Variants in PTPN13 observed in about 807,000 individuals in gnomAD.
PTPN13 encodes protein tyrosine phosphatase non-receptor type 13.
Under a neutral mutation model 284.0 loss-of-function variants are expected in PTPN13, and 191 were observed. The ratio of observed to expected loss-of-function variants is 0.67; its 90% confidence interval spans 0.60 to 0.76. The LOEUF (loss-of-function observed/expected upper bound fraction) is 0.76, where lower values mean the gene tolerates loss of function less well. PTPN13 is among the 30% of genes least tolerant of loss of function. The pLI is 0.00. For synonymous variants in PTPN13, 986 were observed against 1,022.3 expected (o/e 0.96, Z 0.68); for missense variants, 2,797 against 2,939.9 (o/e 0.95, Z 1.12).
At chr4:86,749,993 T>C (rs1737205090) in intron 17 of PTPN13, among the ~76,000 whole-genome samples, 1 of 152,212 alleles carries the variant, frequency 6.6e-6, no homozygotes. Context: ...CTTTAAAAAC[T>C]GTCTGGGCAA....
At chr4:86,674,460 T>C (rs1165412455) in intron 3 of PTPN13, among the ~76,000 whole-genome samples, 3 of 152,182 alleles carry the variant, frequency 2.0e-5, no homozygotes, top group African/African-American at 4.8e-5. Context: ...TTTTCAGAGA[T>C]TGAATGTGTA....
At chr4:86,813,440 GGTTTGTTTGTTT>G (rs892515011) in intron 47 of PTPN13, among the ~76,000 whole-genome samples, 1 of 152,018 alleles carries the variant, frequency 6.6e-6, no homozygotes, top group African/African-American at 2.4e-5. Flanking sequence ...CTTATTTTTT[GGTTTGTTTGTTT>G]GTTTGTTTTT....
At chr4:86,616,949 G>A (rs956902753) in intron 1 of PTPN13, among the ~76,000 whole-genome samples, 39 of 152,270 alleles carry the variant, frequency 2.6e-4, no homozygotes, top group African/African-American at 9.1e-4. Flanking sequence ...GACTGAAGGG[G>A]AGAGCGTGAA....
At chr4:86,762,576 A>C in intron 23 of PTPN13, 151 bp from the exon 24 acceptor site, 3 of 626,304 alleles carry the variant, frequency 4.8e-6, no homozygotes, top group Non-Finnish European at 5.5e-6. Context: ...CAAAGGAGAA[A>C]GCAAAGAAAG....
At chr4:86,736,959 A>G (rs978081408) in intron 15 of PTPN13, among the ~76,000 whole-genome samples, 1 of 152,244 alleles carries the variant, frequency 6.6e-6, no homozygotes, top group Non-Finnish European at 1.5e-5. Flanking sequence ...TTCTAAGGCT[A>G]CACTTTTGCT....
At chr4:86,680,418 T>C (rs1422771594) in intron 3 of PTPN13, among the ~76,000 whole-genome samples, 1 of 151,936 alleles carries the variant, frequency 6.6e-6, no homozygotes, top group Non-Finnish European at 1.5e-5. Context: ...TCTATCTCTG[T>C]CTCCATCTCT....
At chr4:86,636,023 T>TA (rs1280125196) in intron 2 of PTPN13, among the ~76,000 whole-genome samples, 3 of 151,870 alleles carry the variant, frequency 2.0e-5, no homozygotes, top group Non-Finnish European at 4.4e-5. Flanking sequence ...TAAACAAATG[T>TA]AAAAAATGCA....
At position 86,701,631 on chromosome 4, in the gene PTPN13, C is replaced by T. The variant is rs1731174654; in HGVS notation, c.1025C>T (p.Ala342Val). ...TCAACTACTCCTAGAAAAAAGGAGGCAAGATACTCAGATGGAAGTATAGCC... is the reference window on the plus strand; with the variant it reads ...TCAACTACTCCTAGAAAAAAGGAGGTAAGATACTCAGATGGAAGTATAGCC... The part of the protein sequence containing the change: ...RTSTTPRKKE[A>V]RYSDGSIALD... Residue 342 changes from alanine (A) to valine (V), a missense_variant, in exon 7 of 48, where the codon GCA becomes GTA. Physicochemically the swap from Ala to Val is moderately conservative, Grantham distance 64 (BLOSUM62 0). Coordinates refer to ENST00000411767, the MANE Select transcript of PTPN13 (RefSeq NM_080683.3). The T allele has an allele frequency of 1.2e-6, 2 of 1,613,770 alleles. No individual in the cohort carries two copies. Among genetic ancestry groups the T allele is most frequent in the Non-Finnish European group, 1.7e-6 (2 of 1,179,870 alleles).
At chr4:86,663,721 C>T (rs1047826261) in intron 2 of PTPN13, among the ~76,000 whole-genome samples, 6 of 152,046 alleles carry the variant, frequency 3.9e-5, no homozygotes, top group African/African-American at 1.4e-4. Context: ...TAGAGAAGAG[C>T]TATTTAGGTC....
chr4:86,734,240 A>C, intron 12 of PTPN13, 63 bp from the exon 13 acceptor site: 1 of 1,258,682 alleles, frequency 7.9e-7, no homozygotes. Context: ...AAAGTGAAGA[A>C]ATCGGAAGAA....
intron 31 of PTPN13, among the ~76,000 whole-genome samples, chr4:86,772,122 T>C (rs1011961383): frequency 6.6e-6 from 1 of 152,366 alleles, no homozygotes; most frequent in Middle Eastern, 3.4e-3. Context: ...TTATTCTTCT[T>C]TCTTCTTTTC....
intron 2 of PTPN13, among the ~76,000 whole-genome samples, chr4:86,667,492 G>A (rs1727215407): frequency 6.6e-6 from 1 of 152,056 alleles, no homozygotes; most frequent in Non-Finnish European, 1.5e-5. Flanking sequence ...ACAATTTCCA[G>A]TGAACCTTAA....
intron 24 of PTPN13, among the ~76,000 whole-genome samples, chr4:86,764,373 T>A (rs563524580): frequency 2.0e-5 from 3 of 152,242 alleles, no homozygotes; most frequent in Admixed American, 2.0e-4. Flanking sequence ...ATCTCTAAGA[T>A]CTCTTCCAAC....
chr4:86,653,868 C>T (rs1449117912), intron 2 of PTPN13, among the ~76,000 whole-genome samples: 2 of 152,116 alleles, frequency 1.3e-5, no homozygotes, highest in Non-Finnish European at 2.9e-5. Flanking sequence ...TATTAAGAAA[C>T]ATCTGTGGTG....
rs141246138 is a variant in PTPN13, at chr4:86,696,291, T to C, written c.634+2617T>C. ...GTTTTTATAGGTGTTCAGTGTATAT[T>C]TGTTGACTGAACGAGAAAAGGTTTT... On this transcript the variant is annotated intron_variant, in intron 6 of 47. Coordinates refer to ENST00000411767, the MANE Select transcript of PTPN13 (RefSeq NM_080683.3). Among the ~76,000 whole-genome samples, 208 of 152,130 alleles carry C rather than the reference T, an allele frequency of 1.4e-3. 4 individuals carry two copies. The East Asian group carries it at 0.034, about 25-fold the overall frequency.
intron 1 of PTPN13, among the ~76,000 whole-genome samples, chr4:86,617,790 A>T (rs1456714365): frequency 6.6e-6 from 1 of 151,522 alleles, no homozygotes; most frequent in Non-Finnish European, 1.5e-5. Context: ...TTTTCTTGTA[A>T]ATTTGTTTGA....
intron 7 of PTPN13, among the ~76,000 whole-genome samples, chr4:86,706,909 C>T (rs1311353737): frequency 6.6e-6 from 1 of 152,098 alleles, no homozygotes; most frequent in East Asian, 1.9e-4. Flanking sequence ...CACCTCAGCA[C>T]AGGACTATCT....
intron 28 of PTPN13, among the ~76,000 whole-genome samples, chr4:86,768,777 C>A (rs1739628067): frequency 7.0e-6 from 1 of 143,794 alleles, no homozygotes; most frequent in Non-Finnish European, 1.5e-5. Context: ...GTGGCGCAAT[C>A]TTGGCTCACT....
At chr4:86,726,194 C>G (rs909678651) in intron 10 of PTPN13, among the ~76,000 whole-genome samples, 4 of 149,584 alleles carry the variant, frequency 2.7e-5, no homozygotes, top group Non-Finnish European at 6.0e-5. Flanking sequence ...GTTTTGGTAC[C>G]AGTACCATGC....
Sources: allele counts gnomAD v4.1 joint callset (sites outside exome capture counted in the v4.1 genomes callset), GRCh38; gene constraint gnomAD v4.1.1; transcripts MANE v1.5; gene names NCBI Gene and HGNC (gene_info 2026-07-23, HGNC 2026-07-21).